KLC1: variants seen among roughly 807,000 people sequenced by gnomAD.
The protein encoded by KLC1 is kinesin 2 60/70kDa.
Under a neutral mutation model 84.2 loss-of-function variants are expected in KLC1, and 30 were observed. The observed-to-expected ratio is 0.36, with a 90% CI of 0.27 to 0.48. The LOEUF (loss-of-function observed/expected upper bound fraction) is 0.48, where lower values mean the gene tolerates loss of function less well. KLC1 is among the 20% of genes least tolerant of loss of function. The pLI is 0.99. For synonymous variants in KLC1, 289 were observed against 293.3 expected, an observed-to-expected ratio of 0.99 and a Z score of 0.15; for missense variants, 499 against 805.4, an observed-to-expected ratio of 0.62 and a Z score of 4.60.
rs1055715621 is a variant in KLC1 at position 103,694,193 on chromosome 14, T to C, written c.1848+1768T>C. On this transcript the variant is annotated intron_variant, in intron 15 of 16. Coordinates refer to ENST00000334553, the MANE Select transcript of KLC1 (RefSeq NM_001394837.1). The surrounding 1 kb of genome is among the most constrained non-coding windows in gnomAD (Gnocchi z 4.5). The stretch of plus-strand genomic sequence containing the variant: ...GGCCCTGGGGCCCCATGCCCCCTTT[T>C]GAGCTGTGTTCTCCCGGACGCCCCT... 2.3e-5 allele frequency: 23 copies of C among 985,474 alleles called. No homozygotes were observed. The highest frequency in any genetic ancestry group is 2.5e-5 in the Non-Finnish European group (21 of 830,238). The allele number at this position is 985,474 out of a possible 1,614,324, so 61.0% of individuals were successfully genotyped here.
intron 15 of KLC1, chr14:103,698,650 C>T (rs781687008): frequency 2.0e-5 from 15 of 737,404 alleles, no homozygotes; most frequent in East Asian, 8.1e-5. Context: ...CCACCATCTT[C>T]GGATGAGAAA....
rs887442134 is a variant in KLC1, at chr14:103,685,571, T to C, written c.1651-1510T>C. The C allele has an allele frequency of 2.0e-5, 26 of 1,289,240 alleles. No homozygotes were observed. In the African/African-American group the frequency reaches 2.1e-4, roughly 11 times the overall value. 79.9% of individuals were successfully genotyped at this position (1,289,240 alleles called of 1,614,324 possible). ...AGAAATACTGTAAGCCAGGCTGTTATGCAGAGCCTGTTGCCTTTCCTCGCC... is the reference window on the plus strand; with the variant it reads ...AGAAATACTGTAAGCCAGGCTGTTACGCAGAGCCTGTTGCCTTTCCTCGCC... On this transcript the variant is annotated intron_variant, in intron 13 of 16. Coordinates refer to ENST00000334553, the MANE Select transcript of KLC1 (RefSeq NM_001394837.1).
chr14:103,631,564 T>G (rs2076690720), intron 1 of KLC1, among the ~76,000 whole-genome samples: 1 of 152,240 alleles, frequency 6.6e-6, no homozygotes, highest in East Asian at 1.9e-4. Flanking sequence ...CTGAAAACAT[T>G]CTTTGTAGAT....
At chr14:103,645,557 T>A (rs749602391) in intron 1 of KLC1, among the ~76,000 whole-genome samples, 8 of 152,280 alleles carry the variant, frequency 5.3e-5, no homozygotes, top group Admixed American at 3.9e-4. Context: ...GTGATTTCGT[T>A]GTGGGGGCAT....
intron 1 of KLC1, among the ~76,000 whole-genome samples, chr14:103,638,902 T>TAA (rs2077270301): frequency 6.7e-6 from 1 of 149,690 alleles, no homozygotes; most frequent in Non-Finnish European, 1.5e-5. Flanking sequence ...AGCACAAGGG[T>TAA]GTGTGTGTGT....
intron 2 of KLC1, among the ~76,000 whole-genome samples, chr14:103,656,814 C>G (rs2078872267): frequency 6.6e-6 from 1 of 152,070 alleles, no homozygotes; most frequent in Non-Finnish European, 1.5e-5. Context: ...AGGATAATAA[C>G]CTGGTTATTA....
intron 1 of KLC1, among the ~76,000 whole-genome samples, chr14:103,629,736 C>A (rs1309649506): frequency 6.6e-6 from 1 of 152,128 alleles, no homozygotes; most frequent in Non-Finnish European, 1.5e-5. Flanking sequence ...TTTGCCAGCC[C>A]CGGCTCCCGG....
intron 12 of KLC1, among the ~76,000 whole-genome samples, chr14:103,678,978 A>G (rs1383411488): frequency 6.6e-6 from 1 of 152,192 alleles, no homozygotes; most frequent in African/African-American, 2.4e-5. Context: ...ACAAATGGAA[A>G]ATAGGCATTG....
intron 1 of KLC1, among the ~76,000 whole-genome samples, chr14:103,650,598 T>G (rs2078349792): frequency 6.6e-6 from 1 of 151,272 alleles, no homozygotes; most frequent in South Asian, 2.1e-4. Context: ...TTTTTTTTTT[T>G]GAGATGGAGT....
chr14:103,664,707 G>A (rs1171887150), intron 5 of KLC1, among the ~76,000 whole-genome samples: 1 of 151,150 alleles, frequency 6.6e-6, no homozygotes, highest in African/African-American at 2.4e-5. Context: ...TAGAGACAGC[G>A]TTTTGCCATG....
chr14:103,662,225 G>C, intron 4 of KLC1, 31 bp downstream of exon 4: 1 of 1,517,578 alleles, frequency 6.6e-7, no homozygotes. Flanking sequence ...GCATGTTACC[G>C]AGTGCAGAAG....
In KLC1 at chr14:103,662,729, C is replaced by T. The variant is rs761987974; in HGVS notation, c.599C>T (p.Ala200Val). ...GIQQQHSSAA[A>V]AAQQGGYEIP... Reference sequence around the variant, plus strand: ...CAGCAGCAGCACAGCAGTGCAGCCGCGGCTGCCCAGCAGGGCGGCTACGAG... The same window carrying T: ...CAGCAGCAGCACAGCAGTGCAGCCGTGGCTGCCCAGCAGGGCGGCTACGAG... Residue 200 changes from alanine to valine, a missense_variant, in exon 5 of 17, where the codon GCG (alanine) becomes GTG (valine). This residue lies in a region of KLC1 where 179 missense variants were observed against 264.2 expected (regional missense o/e 0.68). Coordinates refer to ENST00000334553, the MANE Select transcript of KLC1 (RefSeq NM_001394837.1). The T allele has an allele frequency of 1.7e-5, 27 of 1,603,612 alleles. No individual in the cohort carries two copies. The highest frequency in any genetic ancestry group is 1.9e-5 in the Non-Finnish European group (22 of 1,175,268).
rs1006071667 is a variant in KLC1, at chr14:103,667,116, AT to A, written c.798-2391del. ...CATAACACTTTAGGTAGCTTATTTT[AT>A]TTTATTTTTTTTACACGGAGTTTCA... On this transcript the variant is annotated intron_variant, in intron 5 of 16. Coordinates refer to ENST00000334553, the MANE Select transcript of KLC1 (RefSeq NM_001394837.1). Among the ~76,000 whole-genome samples, 10 of 146,920 alleles carry A rather than the reference AT, an allele frequency of 6.8e-5. No homozygotes were observed. The South Asian group carries it at 2.2e-3, about 32-fold the overall frequency.
At chr14:103,685,447 C>T in intron 13 of KLC1, 1 of 1,209,496 alleles carries the variant, frequency 8.3e-7, no homozygotes, top group Non-Finnish European at 1.1e-6. Flanking sequence ...TGAAATGCAC[C>T]ATGAGGCCCA....
At chr14:103,696,529 G>C in intron 15 of KLC1, 4 of 985,448 alleles carry the variant, frequency 4.1e-6, no homozygotes, top group Non-Finnish European at 4.8e-6. Context: ...TTTCTTGGAG[G>C]ATGTCATTAG....
chr14:103,670,515 G>A (rs1173870916), intron 7 of KLC1, among the ~76,000 whole-genome samples: 1 of 151,714 alleles, frequency 6.6e-6, no homozygotes, highest in African/African-American at 2.4e-5. Flanking sequence ...TTTTGTATTT[G>A]TAGTAGAGAT....
chr14:103,696,256 C>G (rs1003628000), intron 15 of KLC1: 2 of 985,406 alleles, frequency 2.0e-6, no homozygotes, highest in Non-Finnish European at 2.4e-6. Flanking sequence ...GACATGGATG[C>G]TTCCCTGAAG....
At chr14:103,690,618 C>T (rs935526722) in intron 14 of KLC1, among the ~76,000 whole-genome samples, 2 of 102,494 alleles carry the variant, frequency 2.0e-5, no homozygotes, top group Admixed American at 1.1e-4. Context: ...CCAGGAACTG[C>T]TGCGCTCATG....
intron 3 of KLC1, among the ~76,000 whole-genome samples, chr14:103,659,130 G>A (rs372440461): frequency 1.3e-5 from 2 of 151,320 alleles, no homozygotes; most frequent in Admixed American, 6.6e-5. Context: ...GGTGCGTACC[G>A]CCACGACTGG....
Sources: gnomAD v4.1 joint callset for allele counts (sites outside exome capture counted in the v4.1 genomes callset) on GRCh38, gnomAD v4.1.1 for gene constraint, gnomAD v4.1.1 regional missense constraint, Gnocchi (gnomAD v3.1) non-coding constraint, MANE v1.5 for transcripts, NCBI Gene and HGNC (gene_info 2026-07-23, HGNC 2026-07-21) for gene names.